EXTL1: variants seen among roughly 807,000 people sequenced by gnomAD.
EXTL1 encodes the protein exostosin like glycosyltransferase 1.
In EXTL1, 43 loss-of-function variants were observed where a neutral mutation model predicts 64.6. That is an observed-to-expected ratio of 0.67 (90% CI 0.52 to 0.86). EXTL1 has a LOEUF of 0.86. Ranked by LOEUF, EXTL1 falls within the 40% of genes least tolerant of loss-of-function variation. EXTL1 has a pLI of 0.00. For missense variants in EXTL1, 766 were observed against 879.0 expected (o/e 0.87, Z 1.62); for synonymous variants, 352 against 360.5 (o/e 0.98, Z 0.27).
intron 1 of EXTL1, among the ~76,000 whole-genome samples, chr1:26,028,519 T>G (rs2050242484): frequency 6.6e-6 from 1 of 152,102 alleles, no homozygotes; most frequent in African/African-American, 2.4e-5. Flanking sequence ...GTCCCCTGGG[T>G]GGACAATTGC....
chr1:26,035,303 G>T lies in EXTL1; in HGVS notation c.1987G>T (p.Val663Leu), dbSNP rs1215763059. The T allele has an allele frequency of 1.2e-6, 2 of 1,613,178 alleles. No individual in the cohort carries two copies. Among genetic ancestry groups the T allele is most frequent in the Non-Finnish European group, 8.5e-7 (1 of 1,179,740 alleles). The change falls in exon 11 of 11, where the codon GTG becomes TTG. Residue 663 changes from valine to leucine, a missense_variant. By Grantham distance (32) the Val-to-Leu change is conservative. Transcript: ENST00000374280. The surrounding 1 kb of genome is among the most constrained non-coding windows in gnomAD (Gnocchi z 5.3). The stretch of plus-strand genomic sequence containing the variant: ...GGACCCGGTGCTGTTTAAGGACCCG[G>T]TGTCCGTGCAGCGCAAGAAGTACCG... ...RLDPVLFKDP[V>L]SVQRKKYRSL...
intron 5 of EXTL1, 87 bp from the exon 6 acceptor site, chr1:26,031,373 C>T (rs1209392874): frequency 8.3e-6 from 12 of 1,442,894 alleles, no homozygotes; most frequent in Non-Finnish European, 1.1e-5. Context: ...TAACATTTTT[C>T]CTGGCCCCCG....
At position 26,023,362 on chromosome 1, in the gene EXTL1, C is replaced by A. The variant is rs935130081; in HGVS notation, c.716C>A (p.Ala239Glu). ...LEEERGGWRT[A>E]DTGSSACPWD... The stretch of plus-strand genomic sequence containing the variant: ...GAGGAGAGGGGTGGGTGGCGCACAG[C>A]AGACACTGGCTCCTCTGCCTGCCCC... The change falls in exon 1 of 11, where the codon GCA becomes GAA. Residue 239 changes from alanine to glutamate, a missense_variant. This residue lies in a region of EXTL1 where 571 missense variants were observed against 647.6 expected (regional missense o/e 0.88). Transcript: ENST00000374280. 6.8e-7 allele frequency: 1 copy of A among 1,475,382 alleles called. No homozygotes were observed. Among genetic ancestry groups the A allele is most frequent in the African/African-American group, 1.4e-5 (1 of 70,770 alleles). 91.4% of individuals were successfully genotyped at this position (1,475,382 alleles called of 1,614,324 possible). A position where few individuals can be genotyped will look rare whatever the true frequency, so the allele number is the denominator to read the frequency against.
chr1:26,031,558 T>C lies in EXTL1; in HGVS notation c.1333T>C (p.Cys445Arg), dbSNP rs1285625279. The C allele has an allele frequency of 1.3e-6, 2 of 1,581,630 alleles. No individual in the cohort carries two copies. The highest frequency in any genetic ancestry group is 1.2e-5 in the South Asian group (1 of 86,518). ...CCAGGCGGTGGCAGGCTCCCAGCAC[T>C]GTGCCCAGGTCTGCCCCCTTCCCAG... ...LIQAVAGSQH[C>R]AQILVLWSNE... Residue 445 changes from cysteine to arginine, a missense_variant, in exon 6 of 11, where the codon TGT becomes CGT. Transcript: ENST00000374280.
Position 26,033,372 on chromosome 1 carries a change from T to G in EXTL1, c.1518+57T>G. 1.4e-6 allele frequency: 2 copies of G among 1,455,228 alleles called. No individual in the cohort carries two copies. Among genetic ancestry groups the G allele is most frequent in the East Asian group, 2.3e-5 (1 of 44,112 alleles). The allele number at this position is 1,455,228 out of a possible 1,614,324, so 90.1% of individuals were successfully genotyped here. On this transcript the variant is annotated intron_variant, in intron 8 of 10. Coordinates refer to ENST00000374280, the MANE Select transcript of EXTL1 (RefSeq NM_004455.3). This position sits in a 1 kb window ranked among gnomAD's most constrained non-coding sequence, Gnocchi z 5.1. ...GGGTAGACACAGAGCCAGAGGGCCC[T>G]GGCAGCCCCTCAGGTTCCCAGGGTT...
chr1:26,033,716 G>A lies in EXTL1; in HGVS notation c.1539G>A (p.Val513=), dbSNP rs2050310984. ...STSEVDFAFL[V]WQSFPERMVG... Reference sequence around the variant, plus strand: ...CCCAGGTGGACTTTGCCTTTCTGGTGTGGCAGAGCTTCCCAGAGCGGATGG... The same window carrying A: ...CCCAGGTGGACTTTGCCTTTCTGGTATGGCAGAGCTTCCCAGAGCGGATGG... Residue 513 remains valine (V), a synonymous_variant, in exon 9 of 11, where the codon GTG becomes GTA. Transcript: ENST00000374280. The surrounding 1 kb of genome is among the most constrained non-coding windows in gnomAD (Gnocchi z 5.1). 1 of 1,614,020 alleles carries A rather than the reference G, an allele frequency of 6.2e-7. No individual in the cohort carries two copies. Among genetic ancestry groups the A allele is most frequent in the Non-Finnish European group, 8.5e-7 (1 of 1,180,008 alleles).
At position 26,034,931 on chromosome 1, in the gene EXTL1, T is replaced by C. The variant is rs200706264; in HGVS notation, c.1775T>C (p.Ile592Thr). ...PTCVDVLMNF[I>T]VAAVTKLPPI... is the part of the protein sequence containing the mutation. The stretch of plus-strand genomic sequence containing the variant: ...TGTGTGGACGTCCTGATGAATTTCA[T>C]AGTAGCAGCAGTCACCAAGCTGCCC... Residue 592 changes from isoleucine to threonine, a missense_variant, in exon 10 of 11, where the codon ATA becomes ACA. This residue lies in a region of EXTL1 where 194 missense variants were observed against 214.5 expected (regional missense o/e 0.90). Transcript: ENST00000374280. The surrounding 1 kb of genome is among the most constrained non-coding windows in gnomAD (Gnocchi z 4.6). 1.1e-5 allele frequency: 17 copies of C among 1,614,174 alleles called. No individual in the cohort carries two copies. The East Asian group carries it at 2.7e-4, about 25-fold the overall frequency.
chr1:26,032,254 A>C (rs2050295176), intron 6 of EXTL1, 142 bp from the exon 7 acceptor site: 1 of 495,126 alleles, frequency 2.0e-6, no homozygotes, highest in South Asian at 2.1e-5. Flanking sequence ...AGGACCATGG[A>C]TCCAACTAAC....
At chr1:26,027,066 T>C (rs1235134350) in intron 1 of EXTL1, among the ~76,000 whole-genome samples, 1 of 152,208 alleles carries the variant, frequency 6.6e-6, no homozygotes, top group Non-Finnish European at 1.5e-5. Flanking sequence ...CCAGATCTAT[T>C]CCCTAGTGTC....
chr1:26,034,141 C>T lies in EXTL1; in HGVS notation c.1679+285C>T, dbSNP rs2050315371. Among the ~76,000 whole-genome samples, 1 of 152,168 alleles carries T rather than the reference C, an allele frequency of 6.6e-6. No homozygotes were observed. Among genetic ancestry groups the T allele is most frequent in the African/African-American group, 2.4e-5 (1 of 41,422 alleles). On this transcript the variant is annotated intron_variant, in intron 9 of 10. Transcript: ENST00000374280. This position sits in a 1 kb window ranked among gnomAD's most constrained non-coding sequence, Gnocchi z 4.6. ...GTAGCTATTGTTATTTGAAGTAGAGCCATGCAGTGAGTAAGGGCAGTGTGT... is the reference window on the plus strand; with the variant it reads ...GTAGCTATTGTTATTTGAAGTAGAGTCATGCAGTGAGTAAGGGCAGTGTGT...
At position 26,023,126 on chromosome 1, in the gene EXTL1, G is replaced by T; in HGVS notation, c.480G>T (p.Leu160=). The change falls in exon 1 of 11, where the codon CTG becomes CTT. Residue 160 remains leucine (L), a synonymous_variant. Coordinates refer to ENST00000374280, the MANE Select transcript of EXTL1 (RefSeq NM_004455.3). ...AATGGAACAGGGGCAGGAACCATCT[G>T]GTCCTCCGTCTCCACCCGGCTCCCT... ...PLQWNRGRNH[L]VLRLHPAPCP... is the part of the protein sequence containing the mutation. 6.2e-7 allele frequency: 1 copy of T among 1,613,986 alleles called. No homozygotes were observed. The highest frequency in any genetic ancestry group is 1.3e-5 in the African/African-American group (1 of 75,064).
At position 26,035,400 on chromosome 1, in the gene EXTL1, CCCGGCGCCTG is replaced by C. The variant is rs2050328975; in HGVS notation, c.*60_*69del. ...AGGTCGCAGCCCAGCTCCCAGGGGG[CCCGGCGCCTG>C]CCGGCGGGCTCCGCTCTTGGGACAC... On this transcript the variant is annotated 3_prime_UTR_variant, in exon 11 of 11. Transcript: ENST00000374280. The surrounding 1 kb of genome is among the most constrained non-coding windows in gnomAD (Gnocchi z 5.3). 6.7e-7 allele frequency: 1 copy of C among 1,501,476 alleles called. No individual in the cohort carries two copies. Among genetic ancestry groups the C allele is most frequent in the Non-Finnish European group, 9.0e-7 (1 of 1,114,342 alleles). The allele number at this position is 1,501,476 out of a possible 1,614,324, so 93.0% of individuals were successfully genotyped here. A position where few individuals can be genotyped will look rare whatever the true frequency, so the allele number is the denominator to read the frequency against.
In EXTL1 at chr1:26,023,270, A is replaced by C. The variant is rs1292359004; in HGVS notation, c.624A>C (p.Arg208=). 8 of 1,583,430 alleles carry C rather than the reference A, an allele frequency of 5.1e-6. No individual in the cohort carries two copies. In the Admixed American group the frequency reaches 1.0e-4, roughly 20 times the overall value. Reference sequence around the variant, plus strand: ...TTCTCCCTGAAGCCCACCCGTTGCGAGGTGGGGCTCCTGGCCAGCTGCGGC... The same window carrying C: ...TTCTCCCTGAAGCCCACCCGTTGCGCGGTGGGGCTCCTGGCCAGCTGCGGC... ...LPFLPEAHPL[R]GGAPGQLRQH... The change falls in exon 1 of 11, where the codon CGA becomes CGC. Residue 208 remains arginine, a synonymous_variant. Coordinates refer to ENST00000374280, the MANE Select transcript of EXTL1 (RefSeq NM_004455.3).
In EXTL1 at chr1:26,033,936, G is replaced by T; in HGVS notation, c.1679+80G>T. On this transcript the variant is annotated intron_variant, in intron 9 of 10. Coordinates refer to ENST00000374280, the MANE Select transcript of EXTL1 (RefSeq NM_004455.3). The surrounding 1 kb of genome is among the most constrained non-coding windows in gnomAD (Gnocchi z 5.1). Reference sequence around the variant, plus strand: ...CCCCCACCCCGAACGGAGCAGAGTGGCCTAGACCCCAGGGATCCAGGTTCA... The same window carrying T: ...CCCCCACCCCGAACGGAGCAGAGTGTCCTAGACCCCAGGGATCCAGGTTCA... The T allele has an allele frequency of 1.5e-6, 2 of 1,360,928 alleles. No homozygotes were observed. Among genetic ancestry groups the T allele is most frequent in the Non-Finnish European group, 2.0e-6 (2 of 1,018,884 alleles). 84.3% of individuals were successfully genotyped at this position (1,360,928 alleles called of 1,614,324 possible).
chr1:26,028,326 A>G (rs1183596848), intron 1 of EXTL1, among the ~76,000 whole-genome samples: 2 of 152,188 alleles, frequency 1.3e-5, no homozygotes, highest in African/African-American at 4.8e-5. Flanking sequence ...TCAATGGGGC[A>G]TGGCCCCGAG....
chr1:26,035,315 C>G lies in EXTL1; in HGVS notation c.1999C>G (p.Arg667Gly), dbSNP rs202242840. ...GTTTAAGGACCCGGTGTCCGTGCAG[C>G]GCAAGAAGTACCGCAGCCTGGAGAA... ...VLFKDPVSVQ[R>G]KKYRSLEKP The change falls in exon 11 of 11, where the codon CGC (arginine) becomes GGC (glycine). Residue 667 changes from arginine (R) to glycine (G), a missense_variant. Transcript: ENST00000374280. This position sits in a 1 kb window ranked among gnomAD's most constrained non-coding sequence, Gnocchi z 5.3. The G allele has an allele frequency of 2.2e-5, 35 of 1,611,976 alleles. 1 individual carries two copies. The Admixed American group carries it at 2.8e-4, about 13-fold the overall frequency.
chr1:26,025,796 T>C lies in EXTL1; in HGVS notation c.779+2371T>C, dbSNP rs2050208601. 6.6e-6 allele frequency among the ~76,000 whole-genome samples: 1 copy of C among 152,346 alleles called. No homozygotes were observed. The highest frequency in any genetic ancestry group is 1.9e-4 in the East Asian group (1 of 5,190). Reference sequence around the variant, plus strand: ...CTTCCAGTTTCTTACGTGTCTTTTCTGAGAAACTCTGCGTGTGTACAAGCA... The same window carrying C: ...CTTCCAGTTTCTTACGTGTCTTTTCCGAGAAACTCTGCGTGTGTACAAGCA... On this transcript the variant is annotated intron_variant, in intron 1 of 10. Coordinates refer to ENST00000374280, the MANE Select transcript of EXTL1 (RefSeq NM_004455.3). The surrounding 1 kb of genome is among the most constrained non-coding windows in gnomAD (Gnocchi z 5.3).
intron 7 of EXTL1, among the ~76,000 whole-genome samples, chr1:26,032,985 G>A (rs1426353011): frequency 6.6e-6 from 1 of 152,182 alleles, no homozygotes; most frequent in Admixed American, 6.5e-5. Context: ...GGCCCCTAGA[G>A]ACCAACTGCC....
rs780688128 is a variant in EXTL1, at chr1:26,023,001, G to A, written c.355G>A (p.Glu119Lys). 2.5e-6 allele frequency: 4 copies of A among 1,614,184 alleles called. No homozygotes were observed. Residue 119 changes from glutamate (E) to lysine (K), a missense_variant, in exon 1 of 11, where the codon GAG (glutamate) becomes AAG (lysine). Coordinates refer to ENST00000374280, the MANE Select transcript of EXTL1 (RefSeq NM_004455.3). Reference protein sequence around the residue: ...ETHRRILASIEGSRFYTFSPA... With the variant: ...ETHRRILASIKGSRFYTFSPA... ...TCATCGCAGGATCCTGGCTTCCATTGAGGGCTCTCGCTTCTACACATTCAG... is the reference window on the plus strand; with the variant it reads ...TCATCGCAGGATCCTGGCTTCCATTAAGGGCTCTCGCTTCTACACATTCAG...
Sources: gnomAD v4.1 joint callset for allele counts (sites outside exome capture counted in the v4.1 genomes callset) on GRCh38, gnomAD v4.1.1 for gene constraint, gnomAD v4.1.1 regional missense constraint, Gnocchi (gnomAD v3.1) non-coding constraint, MANE v1.5 for transcripts, NCBI Gene and HGNC (gene_info 2026-07-23, HGNC 2026-07-21) for gene names.